ESRRG: variants seen among roughly 807,000 people sequenced by gnomAD.
The protein encoded by ESRRG is estrogen related receptor gamma, also known as estrogen-related receptor gamma.
A neutral mutation model predicts 44.0 loss-of-function variants in ESRRG; 13 were observed. The observed-to-expected ratio is 0.30, with a 90% CI of 0.19 to 0.47. The LOEUF is 0.47. ESRRG is among the 20% of genes least tolerant of loss of function. The pLI, the probability that ESRRG is intolerant of heterozygous loss-of-function variation, is 1.00. For missense variants in ESRRG, 395 were observed against 580.6 expected, an observed-to-expected ratio of 0.68 and a Z score of 3.29; for synonymous variants, 215 against 214.6, an observed-to-expected ratio of 1.00 and a Z score of -0.02.
In ESRRG at chr1:216,732,776, C is replaced by G. The variant is rs555394198; in HGVS notation, c.-13-55285G>C. On this transcript the variant is annotated intron_variant, in intron 2 of 7. Transcript: ENST00000359162. ...CAATGATCAATGATCAATGATCACA[C>G]CTGTCTATGAATAGCCACTGAACTC... Among the ~76,000 whole-genome samples the G allele has an allele frequency of 8.8e-5, 13 of 148,150 alleles. No individual in the cohort carries two copies. In the East Asian group the frequency reaches 2.4e-3, roughly 27 times the overall value.
intron 1 of ESRRG, among the ~76,000 whole-genome samples, chr1:216,684,106 G>A (rs1446063348): frequency 6.6e-6 from 1 of 152,202 alleles, no homozygotes; most frequent in African/African-American, 2.4e-5. Context: ...AAGTATGTAT[G>A]TAGTGTAAGT....
At chr1:216,890,729 T>C (rs2057669972) in intron 2 of ESRRG, among the ~76,000 whole-genome samples, 1 of 152,196 alleles carries the variant, frequency 6.6e-6, no homozygotes, top group Non-Finnish European at 1.5e-5. Flanking sequence ...CTGGGACACA[T>C]GACCTGTGAT....
intron 2 of ESRRG, among the ~76,000 whole-genome samples, chr1:216,673,114 G>A (rs373565551): frequency 2.0e-5 from 3 of 151,994 alleles, no homozygotes; most frequent in South Asian, 2.1e-4. Flanking sequence ...GAGAGACTAC[G>A]ATCTGTTAAG....
chr1:216,769,563 C>A (rs1400882180), intron 2 of ESRRG, among the ~76,000 whole-genome samples: 3 of 151,980 alleles, frequency 2.0e-5, no homozygotes, highest in African/African-American at 7.2e-5. Flanking sequence ...CAATCTAGTG[C>A]ATACATGAAG....
chr1:216,797,448 A>G (rs940903356), intron 2 of ESRRG, among the ~76,000 whole-genome samples: 1 of 152,052 alleles, frequency 6.6e-6, no homozygotes, highest in Non-Finnish European at 1.5e-5. Flanking sequence ...CAGTACCAGG[A>G]GTTAGTTCCG....
At chr1:216,911,374 C>T (rs1467610652) in intron 2 of ESRRG, among the ~76,000 whole-genome samples, 1 of 151,940 alleles carries the variant, frequency 6.6e-6, no homozygotes. Context: ...TCATATGATT[C>T]CAATAATATG....
chr1:216,767,195 T>A (rs1365420612), intron 2 of ESRRG, among the ~76,000 whole-genome samples: 1 of 152,080 alleles, frequency 6.6e-6, no homozygotes, highest in Non-Finnish European at 1.5e-5. Context: ...TTAACAAGGT[T>A]TTCCTTTCTT....
Position 217,016,949 on chromosome 1 carries a change from C to A in ESRRG, c.-106+72558G>T, listed in dbSNP as rs937420472. ...AAATTGAAAATCCAATAAGTAAACTCTTTTACTAAGAGACATAACCGAAAA... is the reference window on the plus strand; with the variant it reads ...AAATTGAAAATCCAATAAGTAAACTATTTTACTAAGAGACATAACCGAAAA... On this transcript the variant is annotated intron_variant, in intron 1 of 7. Transcript: ENST00000359162. Among the ~76,000 whole-genome samples the A allele has an allele frequency of 3.9e-5, 6 of 152,154 alleles. No individual in the cohort carries two copies. In the East Asian group the frequency reaches 7.7e-4, roughly 20 times the overall value.
intron 2 of ESRRG, among the ~76,000 whole-genome samples, chr1:216,883,005 T>C (rs2096467582): frequency 6.6e-6 from 1 of 151,996 alleles, no homozygotes; most frequent in Non-Finnish European, 1.5e-5. Flanking sequence ...TTATTTAAAC[T>C]ATGTGGAGTA....
chr1:216,668,835 A>G (rs1041360237), intron 2 of ESRRG, among the ~76,000 whole-genome samples: 2 of 152,228 alleles, frequency 1.3e-5, no homozygotes, highest in African/African-American at 2.4e-5. Flanking sequence ...TGAAGAAGTA[A>G]AAATATTCTG....
At chr1:216,867,053 G>C (rs2096177213) in intron 2 of ESRRG, among the ~76,000 whole-genome samples, 1 of 152,042 alleles carries the variant, frequency 6.6e-6, no homozygotes, top group Non-Finnish European at 1.5e-5. Flanking sequence ...TGTGATACTG[G>C]TGCTCTTCTT....
At chr1:216,649,831 T>C (rs1446624864) in intron 3 of ESRRG, among the ~76,000 whole-genome samples, 1 of 152,082 alleles carries the variant, frequency 6.6e-6, no homozygotes, top group South Asian at 2.1e-4. Context: ...AGTAAAAATC[T>C]TGAAAGAAGA....
chr1:217,099,180 C>T (rs2092467691), intron 1 of ESRRG, among the ~76,000 whole-genome samples: 1 of 152,188 alleles, frequency 6.6e-6, no homozygotes, highest in South Asian at 2.1e-4. Context: ...ACATGGAGTC[C>T]TAATGAATGA....
chr1:217,115,758 A>T, intron 1 of ESRRG, among the ~76,000 whole-genome samples: 1 of 152,008 alleles, frequency 6.6e-6, no homozygotes, highest in Non-Finnish European at 1.5e-5. Context: ...TCTTCATAGC[A>T]GGTTTCATTA....
intron 1 of ESRRG, among the ~76,000 whole-genome samples, chr1:217,061,267 C>T (rs918637339): frequency 6.6e-6 from 1 of 152,062 alleles, no homozygotes; most frequent in African/African-American, 2.4e-5. Flanking sequence ...GAAGCATTAC[C>T]TTCCCAATTC....
chr1:216,712,492 A>G (rs2083836888), intron 1 of ESRRG, among the ~76,000 whole-genome samples: 1 of 152,198 alleles, frequency 6.6e-6, no homozygotes, highest in Non-Finnish European at 1.5e-5. Context: ...TTTTGCATGT[A>G]GTATTGGCGA....
intron 2 of ESRRG, among the ~76,000 whole-genome samples, chr1:216,891,576 A>G (rs1366454229): frequency 6.6e-6 from 1 of 152,196 alleles, no homozygotes; most frequent in East Asian, 1.9e-4. Flanking sequence ...GGCAACAGTC[A>G]CTTGCTCGTG....
At chr1:216,610,070 A>G (rs1291201950) in intron 3 of ESRRG, among the ~76,000 whole-genome samples, 6 of 152,226 alleles carry the variant, frequency 3.9e-5, no homozygotes, top group Non-Finnish European at 2.9e-5. Context: ...GTACAGAGGC[A>G]GAGTGTACCA....
chr1:217,025,109 G>A (rs2080978130), intron 1 of ESRRG, among the ~76,000 whole-genome samples: 3 of 152,170 alleles, frequency 2.0e-5, no homozygotes, highest in Non-Finnish European at 2.9e-5. Context: ...CAATGCTGAA[G>A]CCAAACAGCT....
Sources: gnomAD v4.1 joint callset for allele counts (sites outside exome capture counted in the v4.1 genomes callset) on GRCh38, gnomAD v4.1.1 for gene constraint, MANE v1.5 for transcripts, NCBI Gene and HGNC (gene_info 2026-07-23, HGNC 2026-07-21) for gene names.